The following DIAPH2 variants were observed in gnomAD, a reference collection of about 807,000 sequenced individuals.
DIAPH2 encodes protein diaphanous homolog 2.
A neutral mutation model predicts 92.7 loss-of-function variants in DIAPH2; 35 were observed. The observed-to-expected ratio is 0.38, with a 90% CI of 0.29 to 0.50. The LOEUF is 0.50. DIAPH2 is among the 20% of genes least tolerant of loss of function. The pLI, the probability that DIAPH2 is intolerant of heterozygous loss-of-function variation, is 0.94. For synonymous variants in DIAPH2, 301 were observed against 280.4 expected, an observed-to-expected ratio of 1.07 and a Z score of -0.73; for missense variants, 701 against 819.5, an observed-to-expected ratio of 0.86 and a Z score of 1.77.
intron 9 of DIAPH2, among the ~76,000 whole-genome samples, chrX:96,921,699 T>TTG (rs2065545265): frequency 9.4e-6 from 1 of 106,445 alleles, no homozygotes; most frequent in Non-Finnish European, 1.9e-5. Context: ...CCTTTATGGT[T>TTG]TTTTTTTTTT....
intron 25 of DIAPH2, among the ~76,000 whole-genome samples, chrX:97,389,909 G>A (rs888912353): frequency 9.0e-6 from 1 of 111,159 alleles, no homozygotes; most frequent in Non-Finnish European, 1.9e-5. Flanking sequence ...ATTCTTTGGT[G>A]AGTCAGCTTC....
intron 23 of DIAPH2, among the ~76,000 whole-genome samples, chrX:97,295,179 G>T (rs2068633031): frequency 9.0e-6 from 1 of 111,571 alleles, no homozygotes; most frequent in Admixed American, 9.6e-5. Flanking sequence ...ATCACTGGTG[G>T]TTTTCTTGAT....
intron 17 of DIAPH2, among the ~76,000 whole-genome samples, chrX:97,011,659 G>A (rs1003617466): frequency 1.8e-5 from 2 of 110,261 alleles, no homozygotes; most frequent in Admixed American, 9.7e-5. Flanking sequence ...ATTCCAAGGC[G>A]GGTGGATCAC....
rs992916087 is a variant in DIAPH2, at chrX:96,918,700, C to G, written c.978+83C>G. On this transcript the variant is annotated intron_variant, in intron 9 of 26. Transcript: ENST00000324765. ...ATGACATCAACTCCATTTTAGCTGG[C>G]ATTTAAGTAGTATGGAATGTAAAAC... 9 of 674,436 alleles carry G rather than the reference C, an allele frequency of 1.3e-5. No individual in the cohort carries two copies. The African/African-American group carries it at 1.8e-4, about 14-fold the overall frequency. The allele number at this position is 674,436 out of a possible 1,213,427, so 55.6% of individuals were successfully genotyped here.
chrX:97,381,887 A>G lies in DIAPH2; in HGVS notation c.3010-2022A>G, dbSNP rs1384220368. Among the ~76,000 whole-genome samples the G allele has an allele frequency of 5.3e-5, 6 of 112,304 alleles. No homozygotes were observed. The Admixed American group carries it at 5.7e-4, about 11-fold the overall frequency. The stretch of plus-strand genomic sequence containing the variant: ...GTTATTATCAGAACAAAGAAGAAAT[A>G]CAAATGCAAGTAACCAGCCGTTTTT... On this transcript the variant is annotated intron_variant, in intron 24 of 26. Coordinates refer to ENST00000324765, the MANE Select transcript of DIAPH2 (RefSeq NM_006729.5).
intron 26 of DIAPH2, among the ~76,000 whole-genome samples, chrX:97,469,131 CTA>C (rs758061233): frequency 3.8e-4 from 43 of 111,796 alleles, no homozygotes; most frequent in Non-Finnish European, 7.3e-4. Flanking sequence ...AAAATATACT[CTA>C]TTAAATATCA....
intron 19 of DIAPH2, among the ~76,000 whole-genome samples, chrX:97,090,507 G>A (rs1432704333): frequency 9.2e-6 from 1 of 108,939 alleles, no homozygotes; most frequent in East Asian, 2.9e-4. Context: ...GATTCTCTTT[G>A]TGAAAATGTA....
chrX:97,094,978 T>TA (rs1173195268), intron 19 of DIAPH2, among the ~76,000 whole-genome samples: 1 of 108,900 alleles, frequency 9.2e-6, no homozygotes, highest in Non-Finnish European at 1.9e-5. Flanking sequence ...CCATATACCA[T>TA]AAAAAAGTTC....
At chrX:97,178,136 T>C (rs2067508063) in intron 22 of DIAPH2, among the ~76,000 whole-genome samples, 1 of 110,101 alleles carries the variant, frequency 9.1e-6, no homozygotes, top group African/African-American at 3.3e-5. Context: ...TTGGGGGGAA[T>C]GCTGATGCAG....
rs1180330581 is a variant in DIAPH2, at chrX:97,185,474, CATATATATATATATATATATAT to C, written c.2719+43705_2719+43726del. On this transcript the variant is annotated intron_variant, in intron 22 of 26. Transcript: ENST00000324765. ...GTGTGTGTATATATATATATATACA[CATATATATATATATATATATAT>C]ATATATATATATATATATATATATC... 5.7e-3 allele frequency among the ~76,000 whole-genome samples: 60 copies of C among 10,504 alleles called. 3 individuals are homozygous for C. Among genetic ancestry groups the C allele is most frequent in the African/African-American group, 0.019 (58 of 3,102 alleles). 9.1% of individuals were successfully genotyped at this position (10,504 alleles called of 115,157 possible). A position where few individuals can be genotyped will look rare whatever the true frequency, so the allele number is the denominator to read the frequency against.
intron 1 of DIAPH2, among the ~76,000 whole-genome samples, chrX:96,692,456 C>T (rs753092552): frequency 7.2e-5 from 8 of 111,854 alleles, no homozygotes; most frequent in African/African-American, 2.6e-4. Context: ...ACTCCTTAAA[C>T]AAATACAGCT....
intron 17 of DIAPH2, among the ~76,000 whole-genome samples, chrX:97,012,674 A>G: frequency 8.9e-6 from 1 of 111,914 alleles, no homozygotes; most frequent in African/African-American, 3.2e-5. Context: ...TAAACTTACT[A>G]CCTCTGTGCA....
intron 17 of DIAPH2, among the ~76,000 whole-genome samples, chrX:97,045,114 A>G (rs972255418): frequency 1.8e-5 from 2 of 111,876 alleles, no homozygotes; most frequent in Admixed American, 1.9e-4. Context: ...GTTTTCACAT[A>G]TGTTTTGGAG....
At chrX:97,132,445 G>A (rs985411768) in intron 21 of DIAPH2, among the ~76,000 whole-genome samples, 1 of 112,020 alleles carries the variant, frequency 8.9e-6, no homozygotes, top group African/African-American at 3.2e-5. Context: ...TGTCTTTATG[G>A]TAATTGCAAT....
chrX:96,738,935 G>T (rs920780781), intron 3 of DIAPH2, among the ~76,000 whole-genome samples, 173 bp downstream of exon 3: 10 of 109,393 alleles, frequency 9.1e-5, no homozygotes, highest in African/African-American at 3.0e-4. Context: ...CTTTTTTCTT[G>T]GCAAAAATGT....
intron 4 of DIAPH2, among the ~76,000 whole-genome samples, chrX:96,806,661 A>AAAAAAAAAAAAAAAG (rs1166302976): frequency 1.9e-5 from 2 of 104,949 alleles, no homozygotes; most frequent in Admixed American, 1.0e-4. Context: ...AAAAAAAAAA[A>AAAAAAAAAAAAAAAG]AAAGAAACAA....
At chrX:97,343,779 TAAGAG>T (rs767032927) in intron 23 of DIAPH2, among the ~76,000 whole-genome samples, 239 of 111,036 alleles carry the variant, frequency 2.2e-3, no homozygotes, top group African/African-American at 7.5e-3. Flanking sequence ...TCACAGAAAT[TAAGAG>T]AAGTAGCTAA....
chrX:96,740,542 C>T (rs1360136900), intron 3 of DIAPH2, among the ~76,000 whole-genome samples: 1 of 112,300 alleles, frequency 8.9e-6, no homozygotes, highest in Non-Finnish European at 1.9e-5. Flanking sequence ...AGTTTTTCTA[C>T]ACTGAGCATT....
intron 1 of DIAPH2, among the ~76,000 whole-genome samples, chrX:96,705,200 A>G: frequency 9.1e-6 from 1 of 109,674 alleles, no homozygotes; most frequent in East Asian, 2.9e-4. Context: ...TCTTGAACTG[A>G]CCTCATGATC....
Sources: gnomAD v4.1 joint callset for allele counts (sites outside exome capture counted in the v4.1 genomes callset) on GRCh38, gnomAD v4.1.1 for gene constraint, MANE v1.5 for transcripts, NCBI Gene and HGNC (gene_info 2026-07-23, HGNC 2026-07-21) for gene names.